Variants in FAM53B observed in about 807,000 individuals in gnomAD.
The protein encoded by FAM53B is protein FAM53B.
Under a neutral mutation model 32.7 loss-of-function variants are expected in FAM53B, and 12 were observed. That is an observed-to-expected ratio of 0.37 (90% CI 0.24 to 0.59). The LOEUF (loss-of-function observed/expected upper bound fraction) is 0.59, where lower values mean the gene tolerates loss of function less well. FAM53B is among the 20% of genes least tolerant of loss of function. The pLI is 0.72. For missense variants in FAM53B, 477 were observed against 577.7 expected (o/e 0.83, Z 1.79); for synonymous variants, 234 against 228.7 (o/e 1.02, Z -0.21).
chr10:124,619,669 ATCTTTC>A lies in FAM53B; in HGVS notation c.*3567_*3572del, dbSNP rs1000235059. 6 of 151,924 alleles carry A rather than the reference ATCTTTC, an allele frequency of 3.9e-5. No individual in the cohort carries two copies. The highest frequency in any genetic ancestry group is 1.2e-4 in the African/African-American group (5 of 41,208). The allele number at this position is 151,924 out of a possible 1,614,324, so 9.4% of individuals were successfully genotyped here. On this transcript the variant is annotated 3_prime_UTR_variant, in exon 5 of 5. Transcript: ENST00000337318. The stretch of plus-strand genomic sequence containing the variant: ...CGGTCTGCCATTAAAAAAAAAAAAA[ATCTTTC>A]TCTTCTTTTCTCTTTAAAGAGGCAT...
At chr10:124,730,650 G>A (rs139003974) in intron 1 of FAM53B, among the ~76,000 whole-genome samples, 2 of 152,292 alleles carry the variant, frequency 1.3e-5, no homozygotes, top group African/African-American at 2.4e-5. Flanking sequence ...TGACAGCAAC[G>A]TTCTGGGTCT....
intron 4 of FAM53B, among the ~76,000 whole-genome samples, chr10:124,640,787 G>C (rs1030265882): frequency 6.6e-6 from 1 of 152,136 alleles, no homozygotes; most frequent in Non-Finnish European, 1.5e-5. Context: ...TCTGAATCCG[G>C]GATCAGGCGC....
At chr10:124,706,532 C>T in intron 2 of FAM53B, 104 bp downstream of exon 2, 1 of 1,451,330 alleles carries the variant, frequency 6.9e-7, no homozygotes, top group East Asian at 2.3e-5. Context: ...CTCTTGGGGA[C>T]TCTGGACTCG....
intron 1 of FAM53B, among the ~76,000 whole-genome samples, chr10:124,707,319 C>T (rs900749295): frequency 2.0e-5 from 3 of 152,204 alleles, no homozygotes; most frequent in Non-Finnish European, 2.9e-5. Context: ...CCGCATCCAA[C>T]ACCAAAGGGG....
At chr10:124,628,959 T>C (rs1264417809) in intron 4 of FAM53B, among the ~76,000 whole-genome samples, 1 of 152,222 alleles carries the variant, frequency 6.6e-6, no homozygotes, top group Non-Finnish European at 1.5e-5. Context: ...GCTGGGAGCA[T>C]CCCTCTCTGT....
At chr10:124,626,140 T>A (rs1035904394) in intron 4 of FAM53B, among the ~76,000 whole-genome samples, 1 of 152,238 alleles carries the variant, frequency 6.6e-6, no homozygotes, top group East Asian at 1.9e-4. Flanking sequence ...AGCTGTCATG[T>A]GAGGGGCCTG....
chr10:124,689,299 T>C (rs925794248), intron 3 of FAM53B, among the ~76,000 whole-genome samples: 3 of 152,176 alleles, frequency 2.0e-5, no homozygotes, highest in African/African-American at 7.2e-5. Context: ...GGCAATGACA[T>C]GAGCTCCCCC....
At chr10:124,637,469 C>T (rs1470437739) in intron 4 of FAM53B, among the ~76,000 whole-genome samples, 3 of 152,186 alleles carry the variant, frequency 2.0e-5, no homozygotes, top group Non-Finnish European at 2.9e-5. Flanking sequence ...AGCTTCGATG[C>T]AACTTGCGAC....
chr10:124,620,252 C>T lies in FAM53B; in HGVS notation c.*2990G>A, dbSNP rs532175421. 5.9e-5 allele frequency: 9 copies of T among 152,420 alleles called. No homozygotes were observed. The highest frequency in any genetic ancestry group is 1.9e-4 in the African/African-American group (8 of 41,410). The allele number at this position is 152,420 out of a possible 1,614,324, so 9.4% of individuals were successfully genotyped here. A position where few individuals can be genotyped will look rare whatever the true frequency, so the allele number is the denominator to read the frequency against. On this transcript the variant is annotated 3_prime_UTR_variant, in exon 5 of 5. Transcript: ENST00000337318. Reference sequence around the variant, plus strand: ...CGAGTAAGGCAAGAGGGTATGGCAACGAAAATGGCAAGGCTGTGGCCCCAG... The same window carrying T: ...CGAGTAAGGCAAGAGGGTATGGCAATGAAAATGGCAAGGCTGTGGCCCCAG...
intron 1 of FAM53B, among the ~76,000 whole-genome samples, chr10:124,735,809 T>A (rs1950170161): frequency 6.6e-6 from 1 of 152,190 alleles, no homozygotes; most frequent in Non-Finnish European, 1.5e-5. Flanking sequence ...ACTGCCATAC[T>A]CCAGAAGAAG....
chr10:124,665,314 C>T (rs764925456), intron 4 of FAM53B, among the ~76,000 whole-genome samples: 1 of 152,248 alleles, frequency 6.6e-6, no homozygotes, highest in Non-Finnish European at 1.5e-5. Context: ...CAGAATAAAG[C>T]CTCAACTCTC....
At position 124,710,668 on chromosome 10, in the gene FAM53B, G is replaced by T. The variant is rs538792264; in HGVS notation, c.-174-3781C>A. Among the ~76,000 whole-genome samples the T allele has an allele frequency of 5.3e-5, 8 of 152,334 alleles. No homozygotes were observed. In the East Asian group the frequency reaches 1.5e-3, roughly 29 times the overall value. ...AAAGCCCTCCCACAGGCCACCTCTG[G>T]GGCACACACCCTGCCATGGTCTAGT... On this transcript the variant is annotated intron_variant, in intron 1 of 4. Coordinates refer to ENST00000337318, the MANE Select transcript of FAM53B (RefSeq NM_014661.4).
chr10:124,685,532 C>T (rs1034378973), intron 3 of FAM53B, among the ~76,000 whole-genome samples: 1 of 152,248 alleles, frequency 6.6e-6, no homozygotes, highest in Admixed American at 6.5e-5. Context: ...AACCAATGGG[C>T]TTGGCACAGA....
At chr10:124,736,365 G>A (rs770252992) in intron 1 of FAM53B, among the ~76,000 whole-genome samples, 5 of 152,206 alleles carry the variant, frequency 3.3e-5, no homozygotes, top group Admixed American at 6.5e-5. Context: ...GCCACAGAGG[G>A]GCTTCCCCGC....
At chr10:124,692,866 T>C (rs1043607636) in intron 3 of FAM53B, among the ~76,000 whole-genome samples, 7 of 152,162 alleles carry the variant, frequency 4.6e-5, no homozygotes, top group Admixed American at 4.6e-4. Flanking sequence ...CTTGCTCTAC[T>C]GCACTTGCCC....
intron 4 of FAM53B, among the ~76,000 whole-genome samples, chr10:124,625,703 A>G (rs1487331537): frequency 1.3e-5 from 2 of 152,192 alleles, no homozygotes; most frequent in African/African-American, 4.8e-5. Flanking sequence ...CCTGCTTCTC[A>G]GCCACCCTCT....
At chr10:124,643,246 C>A (rs1354954847) in intron 4 of FAM53B, among the ~76,000 whole-genome samples, 9 of 152,236 alleles carry the variant, frequency 5.9e-5, no homozygotes, top group Non-Finnish European at 1.3e-4. Flanking sequence ...AAGAAAGCAA[C>A]TTCCAATTGA....
chr10:124,698,748 C>T (rs1245103564), intron 2 of FAM53B, among the ~76,000 whole-genome samples: 1 of 152,108 alleles, frequency 6.6e-6, no homozygotes, highest in South Asian at 2.1e-4. Context: ...CTCTTACAGC[C>T]TGTACCCTCG....
At chr10:124,693,453 T>C in intron 3 of FAM53B, among the ~76,000 whole-genome samples, 1 of 141,940 alleles carries the variant, frequency 7.0e-6, no homozygotes, top group Admixed American at 7.3e-5. Flanking sequence ...CTGGCGACAG[T>C]GAGACTCTGT....
Sources: allele counts gnomAD v4.1 joint callset (sites outside exome capture counted in the v4.1 genomes callset), GRCh38; gene constraint gnomAD v4.1.1; transcripts MANE v1.5; gene names NCBI Gene and HGNC (gene_info 2026-07-23, HGNC 2026-07-21).